Variants in PDK1 observed in about 807,000 individuals in gnomAD.
The protein encoded by PDK1 is [Pyruvate dehydrogenase (acetyl-transferring)] kinase isozyme 1, mitochondrial.
A neutral mutation model predicts 54.2 loss-of-function variants in PDK1; 39 were observed. That is an observed-to-expected ratio of 0.72 (90% CI 0.56 to 0.94). The LOEUF (loss-of-function observed/expected upper bound fraction) is 0.94. Among genes scored for constraint, PDK1 ranks in the 40% least tolerant of loss-of-function variants. PDK1 has a pLI of 0.00. For synonymous variants in PDK1, 221 were observed against 207.1 expected (o/e 1.07, Z -0.58); for missense variants, 552 against 566.0 (o/e 0.98, Z 0.25).
At chr2:172,621,785 C>CAT in the PDK1 span, among the ~76,000 whole-genome samples, 1 of 146,398 alleles carries the variant, frequency 6.8e-6, no homozygotes, top group African/African-American at 2.5e-5. Flanking sequence ...GTTTATATCT[C>CAT]ATATGTATGA....
At chr2:172,713,196 C>G in the PDK1 span, among the ~76,000 whole-genome samples, 1 of 152,196 alleles carries the variant, frequency 6.6e-6, no homozygotes, top group South Asian at 2.1e-4. Flanking sequence ...GCAGGGAGGT[C>G]GTCCTGCCAT....
chr2:172,629,755 A>C, the PDK1 span, among the ~76,000 whole-genome samples: 1 of 152,208 alleles, frequency 6.6e-6, no homozygotes, highest in Non-Finnish European at 1.5e-5. Flanking sequence ...ATCAGGAGTC[A>C]CAGGCAACCC....
At chr2:172,662,760 T>G in the PDK1 span, among the ~76,000 whole-genome samples, 1 of 152,182 alleles carries the variant, frequency 6.6e-6, no homozygotes, top group Non-Finnish European at 1.5e-5. Context: ...ACATCCTTTT[T>G]TTTCCTTAGG....
chr2:172,688,666 T>G, the PDK1 span, among the ~76,000 whole-genome samples: 2 of 152,146 alleles, frequency 1.3e-5, no homozygotes, highest in East Asian at 3.9e-4. Flanking sequence ...TTTGCAGGTC[T>G]AATATCTGGG....
chr2:172,592,647 G>A (rs1319386836), intron 9 of PDK1, among the ~76,000 whole-genome samples: 3 of 152,066 alleles, frequency 2.0e-5, no homozygotes, highest in Non-Finnish European at 4.4e-5. Context: ...CAATACGACC[G>A]AGCAGGCCAG....
At chr2:172,721,278 A>G in the PDK1 span, among the ~76,000 whole-genome samples, 2 of 152,156 alleles carry the variant, frequency 1.3e-5, no homozygotes, top group Non-Finnish European at 2.9e-5. Context: ...TCTTATTTCT[A>G]GGGTGGAAAA....
chr2:172,584,644 G>A (rs1391179800), intron 8 of PDK1, among the ~76,000 whole-genome samples: 1 of 118,508 alleles, frequency 8.4e-6, no homozygotes, highest in African/African-American at 3.3e-5. Flanking sequence ...AAAGGTACAT[G>A]CTTTTTTTTT....
intron 6 of PDK1, among the ~76,000 whole-genome samples, chr2:172,567,828 A>G (rs1329023266): frequency 2.0e-5 from 3 of 152,262 alleles, no homozygotes; most frequent in Admixed American, 6.5e-5. Context: ...CTAAGATATC[A>G]TGAGTCTTAA....
Position 172,602,995 on chromosome 2 carries a change from A to G in PDK1, c.*7026A>G, listed in dbSNP as rs1574551712. 6.6e-6 allele frequency: 1 copy of G among 152,222 alleles called. No homozygotes were observed. Among genetic ancestry groups the G allele is most frequent in the South Asian group, 2.1e-4 (1 of 4,828 alleles). 9.4% of individuals were successfully genotyped at this position (152,222 alleles called of 1,614,324 possible). On this transcript the variant is annotated 3_prime_UTR_variant, in exon 11 of 11. Transcript: ENST00000282077. ...GGACTCACTTAACCAATGGAAAGTA[A>G]GGTTAAATCTTTGTAAGCAATGCTC...
At chr2:172,565,607 A>G (rs1688896316) in intron 5 of PDK1, among the ~76,000 whole-genome samples, 1 of 152,170 alleles carries the variant, frequency 6.6e-6, no homozygotes, top group Non-Finnish European at 1.5e-5. Flanking sequence ...AGCTGAGGGT[A>G]TCTTTCACTT....
chr2:172,690,415 A>G, the PDK1 span, among the ~76,000 whole-genome samples: 1 of 150,500 alleles, frequency 6.6e-6, no homozygotes, highest in South Asian at 2.1e-4. Flanking sequence ...AGTGTAAATT[A>G]GTTCAACCAT....
At chr2:172,621,707 A>C in the PDK1 span, among the ~76,000 whole-genome samples, 9 of 144,018 alleles carry the variant, frequency 6.2e-5, no homozygotes, top group South Asian at 2.2e-4. Flanking sequence ...ATGTTTATAT[A>C]TCAAACATGT....
chr2:172,587,017 G>A (rs1313420647), intron 9 of PDK1, among the ~76,000 whole-genome samples: 1 of 152,068 alleles, frequency 6.6e-6, no homozygotes, highest in African/African-American at 2.4e-5. Flanking sequence ...TATTCTTCTA[G>A]GCTTGGAAAC....
At chr2:172,714,709 G>A in the PDK1 span, among the ~76,000 whole-genome samples, 1 of 152,048 alleles carries the variant, frequency 6.6e-6, no homozygotes, top group Admixed American at 6.5e-5. Context: ...TAGGTTATAT[G>A]TCAATAGATA....
At chr2:172,694,764 G>A in the PDK1 span, among the ~76,000 whole-genome samples, 1 of 152,152 alleles carries the variant, frequency 6.6e-6, no homozygotes, top group Admixed American at 6.5e-5. Context: ...TTTCTTAAAT[G>A]TATACATAGC....
chr2:172,633,503 C>A, the PDK1 span, among the ~76,000 whole-genome samples: 2 of 145,856 alleles, frequency 1.4e-5, no homozygotes, highest in Non-Finnish European at 3.0e-5. Context: ...ACTGCTGATT[C>A]TGATAATTTA....
the PDK1 span, among the ~76,000 whole-genome samples, chr2:172,685,399 G>T: frequency 4.6e-5 from 7 of 152,112 alleles, no homozygotes; most frequent in Non-Finnish European, 5.9e-5. Context: ...GGCCTTCAAG[G>T]CTCTGCATGT....
At chr2:172,704,829 A>G in the PDK1 span, among the ~76,000 whole-genome samples, 3 of 152,256 alleles carry the variant, frequency 2.0e-5, no homozygotes, top group Non-Finnish European at 4.4e-5. Flanking sequence ...TGTAGCCAGG[A>G]TTGAACAAGG....
At chr2:172,587,696 C>A (rs931409077) in intron 9 of PDK1, among the ~76,000 whole-genome samples, 5 of 149,226 alleles carry the variant, frequency 3.4e-5, no homozygotes, top group African/African-American at 1.2e-4. Flanking sequence ...TTATCTGGCC[C>A]CACCCACATC....
Sources: allele counts gnomAD v4.1 joint callset (sites outside exome capture counted in the v4.1 genomes callset), GRCh38; gene constraint gnomAD v4.1.1; transcripts MANE v1.5; gene names NCBI Gene and HGNC (gene_info 2026-07-23, HGNC 2026-07-21).